The following EVL variants were observed in gnomAD, a reference collection of about 807,000 sequenced individuals.
The protein encoded by EVL is Enah/Vasp-like, also known as ena/VASP-like protein.
A neutral mutation model predicts 59.6 loss-of-function variants in EVL; 21 were observed. The observed-to-expected ratio is 0.35, with a 90% CI of 0.25 to 0.51. The LOEUF is 0.51. Ranked by LOEUF, EVL falls within the 20% of genes least tolerant of loss-of-function variation. The pLI, the probability that EVL is intolerant of heterozygous loss-of-function variation, is 0.97. For synonymous variants in EVL, 198 were observed against 203.5 expected, an observed-to-expected ratio of 0.97 and a Z score of 0.23; for missense variants, 462 against 546.6, an observed-to-expected ratio of 0.85 and a Z score of 1.54.
At chr14:100,137,911 A>G (rs780376530) in intron 11 of EVL, 109 bp downstream of exon 11, 10 of 1,126,340 alleles carry the variant, frequency 8.9e-6, no homozygotes, top group Middle Eastern at 2.0e-4. Context: ...GCATTTAACA[A>G]CTTGCTCTGC....
At chr14:100,067,163 C>T (rs999707897) in intron 1 of EVL, among the ~76,000 whole-genome samples, 31 of 152,190 alleles carry the variant, frequency 2.0e-4, no homozygotes, top group Admixed American at 1.9e-3. Flanking sequence ...TGGCCTGGCA[C>T]CATAGTGACA....
chr14:100,064,479 A>C (rs2140268277), upstream of EVL, among the ~76,000 whole-genome samples: 1 of 152,366 alleles, frequency 6.6e-6, no homozygotes, highest in South Asian at 2.1e-4. Context: ...CCACTTAATA[A>C]ACAAGTGACA....
chr14:100,041,498 G>A (rs766041674), intron 1 of EVL, among the ~76,000 whole-genome samples: 5 of 152,180 alleles, frequency 3.3e-5, no homozygotes, highest in Non-Finnish European at 4.4e-5. Context: ...GGTCTATGCC[G>A]CTTGCTAGTC....
At chr14:100,065,799 T>C (rs558707254) in intron 1 of EVL, among the ~76,000 whole-genome samples, 74 of 152,226 alleles carry the variant, frequency 4.9e-4, no homozygotes, top group African/African-American at 1.8e-3. Context: ...CTGCCTCTCA[T>C]TATAGGGAGG....
chr14:100,089,234 T>C (rs760718768), intron 2 of EVL, among the ~76,000 whole-genome samples: 19 of 152,132 alleles, frequency 1.2e-4, no homozygotes, highest in Non-Finnish European at 2.5e-4. Flanking sequence ...AATAAAGACA[T>C]AGAAATAAGT....
chr14:100,023,055 G>A (rs1292144260), intron 1 of EVL, among the ~76,000 whole-genome samples: 1 of 152,150 alleles, frequency 6.6e-6, no homozygotes, highest in African/African-American at 2.4e-5. Flanking sequence ...GAGAGTAATA[G>A]GAGCTTGAGA....
At chr14:99,973,239 T>C (rs549166703) in intron 1 of EVL, among the ~76,000 whole-genome samples, 1 of 152,330 alleles carries the variant, frequency 6.6e-6, no homozygotes, top group East Asian at 1.9e-4. Flanking sequence ...GAGCTGACAT[T>C]CTTACCAAAA....
At chr14:99,982,465 A>C (rs886925036) in intron 1 of EVL, among the ~76,000 whole-genome samples, 3 of 152,256 alleles carry the variant, frequency 2.0e-5, no homozygotes, top group Non-Finnish European at 4.4e-5. Context: ...AGATAAAGTT[A>C]GTGAATAGAA....
At chr14:100,049,320 G>A (rs911730231) in intron 1 of EVL, among the ~76,000 whole-genome samples, 3 of 152,214 alleles carry the variant, frequency 2.0e-5, no homozygotes, top group African/African-American at 4.8e-5. Context: ...GCCTCAAAGC[G>A]TGTGAGTGTA....
intron 6 of EVL, among the ~76,000 whole-genome samples, chr14:100,129,273 C>T (rs1888280871): frequency 6.6e-6 from 1 of 152,152 alleles, no homozygotes. Flanking sequence ...CCCCTCCCTC[C>T]CTCCCTCCAT....
At chr14:100,119,463 T>TA (rs1467665354) in intron 3 of EVL, among the ~76,000 whole-genome samples, 2 of 152,070 alleles carry the variant, frequency 1.3e-5, no homozygotes, top group African/African-American at 4.8e-5. Flanking sequence ...ACTCATCCCG[T>TA]ATACTTCAGG....
chr14:100,137,537 C>T (rs1401224250), intron 9 of EVL, 41 bp from the exon 10 acceptor site: 1 of 1,608,624 alleles, frequency 6.2e-7, no homozygotes, highest in African/African-American at 1.3e-5. Flanking sequence ...TACTGAGTCC[C>T]TTCACCTGTG....
intron 1 of EVL, among the ~76,000 whole-genome samples, chr14:100,080,359 G>A (rs1016537231): frequency 4.6e-5 from 7 of 152,198 alleles, no homozygotes; most frequent in African/African-American, 9.7e-5. Context: ...CTGAAGCAGC[G>A]ACAGGACAAA....
rs61984474 is a variant in EVL at position 100,003,030 on chromosome 14, G to A, written c.5+30973G>A. Among the ~76,000 whole-genome samples the A allele has an allele frequency of 8.3e-3, 1,263 of 152,206 alleles. 10 individuals are homozygous for A. The highest frequency in any genetic ancestry group is 0.015 in the Non-Finnish European group (1,001 of 67,998). ...TGCTTCAAGAAAAGCTTGTTAATCCGACATAGGAGCCCGTATGCTGGTCTT... is the reference window on the plus strand; with the variant it reads ...TGCTTCAAGAAAAGCTTGTTAATCCAACATAGGAGCCCGTATGCTGGTCTT... On this transcript the variant is annotated intron_variant, in intron 1 of 13. Coordinates refer to the EVL transcript ENST00000402714.
At chr14:100,141,129 T>G in intron 11 of EVL, 51 bp from the exon 12 acceptor site, 1 of 1,592,240 alleles carries the variant, frequency 6.3e-7, no homozygotes, top group Non-Finnish European at 8.6e-7. Context: ...CAGCCAGCTT[T>G]CCCCCACACC....
chr14:100,107,340 T>G (rs1886634503), intron 3 of EVL: 4 of 398,486 alleles, frequency 1.0e-5, no homozygotes, highest in Non-Finnish European at 1.8e-5. Flanking sequence ...CCTCAAAGCC[T>G]CTGCTGGTGT....
intron 1 of EVL, among the ~76,000 whole-genome samples, chr14:99,981,572 A>G (rs1198720939): frequency 6.6e-6 from 1 of 152,240 alleles, no homozygotes; most frequent in Non-Finnish European, 1.5e-5. Flanking sequence ...CTTGCAGTAG[A>G]CTTACCCTGG....
chr14:100,056,466 C>G (rs1454924640), intron 1 of EVL, among the ~76,000 whole-genome samples: 2 of 152,104 alleles, frequency 1.3e-5, no homozygotes, highest in Non-Finnish European at 2.9e-5. Flanking sequence ...CTTGTGTCTC[C>G]AAAGACATTT....
At chr14:100,025,170 C>G (rs2061190196) in intron 1 of EVL, among the ~76,000 whole-genome samples, 1 of 152,138 alleles carries the variant, frequency 6.6e-6, no homozygotes, top group African/African-American at 2.4e-5. Flanking sequence ...CTCAAACCAC[C>G]CACCTCCCCT....
Sources: allele counts gnomAD v4.1 joint callset (sites outside exome capture counted in the v4.1 genomes callset), GRCh38; gene constraint gnomAD v4.1.1; transcripts MANE v1.5; gene names NCBI Gene and HGNC (gene_info 2026-07-23, HGNC 2026-07-21).